CLDN15: variants seen among roughly 807,000 people sequenced by gnomAD.
CLDN15 encodes claudin-15.
CLDN15 carries 9 observed loss-of-function variants against 24.5 expected under a neutral mutation model. The ratio of observed to expected loss-of-function variants is 0.37; its 90% CI spans 0.22 to 0.64. The LOEUF is 0.64. CLDN15 is among the 30% of genes least tolerant of loss of function. The pLI, the probability that CLDN15 is intolerant of heterozygous loss-of-function variation, is 0.63. For synonymous variants in CLDN15, 149 were observed against 131.4 expected, an observed-to-expected ratio of 1.13 and a Z score of -0.92; for missense variants, 248 against 305.9, an observed-to-expected ratio of 0.81 and a Z score of 1.41.
chr7:101,232,989 G>A (rs368520242), intron 2 of CLDN15, 75 bp from the exon 3 acceptor site: 19 of 1,036,984 alleles, frequency 1.8e-5, no homozygotes, highest in Middle Eastern at 2.4e-4. Context: ...GGAGAGGCAG[G>A]CAGGGGCTGC....
chr7:101,233,273 A>G (rs1584265893), intron 2 of CLDN15, among the ~76,000 whole-genome samples: 1 of 150,638 alleles, frequency 6.6e-6, no homozygotes, highest in Non-Finnish European at 1.5e-5. Flanking sequence ...AATCCCGCCC[A>G]CCCTTGAAAC....
At chr7:101,232,777 G>A in intron 3 of CLDN15, 56 bp downstream of exon 3, 2 of 1,580,156 alleles carry the variant, frequency 1.3e-6, no homozygotes, top group South Asian at 1.1e-5. Context: ...CCGGGGGGCA[G>A]GGCTGAGTCC....
At position 101,232,502 on chromosome 7, in the gene CLDN15, A is replaced by G. The variant is rs749316714; in HGVS notation, c.595T>C (p.Tyr199His). ...EDPAASARRP[Y>H]QAPVSVMPVA... ...GGCATCACGGACACTGGAGCCTGGT[A>G]GGGCCGCCGGGCGCTGCGGGGAGGG... The change falls in exon 5 of 5, where the codon TAC becomes CAC. Residue 199 changes from tyrosine to histidine, a missense_variant. Tyr to His is a moderately conservative substitution (Grantham distance 83, BLOSUM62 2). Coordinates refer to ENST00000308344, the MANE Select transcript of CLDN15 (RefSeq NM_014343.3). 1.9e-6 allele frequency: 3 copies of G among 1,612,578 alleles called. No individual in the cohort carries two copies. The highest frequency in any genetic ancestry group is 2.5e-6 in the Non-Finnish European group (3 of 1,179,180).
chr7:101,234,842 C>T (rs1316516851), intron 1 of CLDN15, among the ~76,000 whole-genome samples: 1 of 152,060 alleles, frequency 6.6e-6, no homozygotes, highest in Non-Finnish European at 1.5e-5. Context: ...CTGGGCCCCT[C>T]CCACCCTGCT....
intron 1 of CLDN15, among the ~76,000 whole-genome samples, chr7:101,235,353 T>C (rs1255946574): frequency 6.6e-6 from 1 of 152,102 alleles, no homozygotes; most frequent in Non-Finnish European, 1.5e-5. Flanking sequence ...TTGATTGAAC[T>C]CCTGGATGCA....
chr7:101,235,693 T>G (rs895913486), intron 1 of CLDN15, among the ~76,000 whole-genome samples: 2 of 151,286 alleles, frequency 1.3e-5, no homozygotes, highest in Non-Finnish European at 2.9e-5. Flanking sequence ...AGTCGGGGGG[T>G]AGGCAGGAGG....
chr7:101,232,569 C>A, intron 4 of CLDN15, 35 bp downstream of exon 4: 2 of 1,595,920 alleles, frequency 1.3e-6, no homozygotes, highest in Non-Finnish European at 1.7e-6. Flanking sequence ...CTCTCCAATC[C>A]CGCCCGGCCC....
intron 2 of CLDN15, among the ~76,000 whole-genome samples, 171 bp from the exon 3 acceptor site, chr7:101,233,085 T>G (rs1798535148): frequency 6.6e-6 from 1 of 152,082 alleles, no homozygotes; most frequent in Admixed American, 6.5e-5. Context: ...GCCTTCCTCC[T>G]TCCTGGGGTC....
In CLDN15 at chr7:101,233,012, G is replaced by A. The variant is rs1472422815; in HGVS notation, c.383-98C>T. On this transcript the variant is annotated intron_variant, in intron 2 of 4. Coordinates refer to ENST00000308344, the MANE Select transcript of CLDN15 (RefSeq NM_014343.3). Reference sequence around the variant, plus strand: ...AGGCAGGGGCTGCCCAGAGTAGGACGGGGGCACCAAGTCCCAGAGCAGCAA... The same window carrying A: ...AGGCAGGGGCTGCCCAGAGTAGGACAGGGGCACCAAGTCCCAGAGCAGCAA... 6 of 799,792 alleles carry A rather than the reference G, an allele frequency of 7.5e-6. No individual in the cohort carries two copies. The Admixed American group carries it at 8.4e-5, about 11-fold the overall frequency. The allele number at this position is 799,792 out of a possible 1,614,324, so 49.5% of individuals were successfully genotyped here.
At chr7:101,236,957 C>T in intron 1 of CLDN15, 3 of 487,310 alleles carry the variant, frequency 6.2e-6, no homozygotes, top group South Asian at 4.8e-5. Flanking sequence ...CAATCCCACC[C>T]CCAAAACATG....
intron 2 of CLDN15, 76 bp downstream of exon 2, chr7:101,234,202 G>T (rs1361080183): frequency 8.7e-7 from 1 of 1,152,352 alleles, no homozygotes; most frequent in African/African-American, 1.5e-5. Flanking sequence ...AATTGGAGAG[G>T]AGATTAGATG....
In CLDN15 at chr7:101,237,036, G is replaced by A. The variant is rs1220744145; in HGVS notation, c.217+329C>T. ...ATTCTGCACTTTCTCAGTCACCTGT[G>A]AACTGGGACTCTCACCCTAACCCTA... On this transcript the variant is annotated intron_variant, in intron 1 of 4. Coordinates refer to ENST00000308344, the MANE Select transcript of CLDN15 (RefSeq NM_014343.3). This position sits in a 1 kb window ranked among gnomAD's most constrained non-coding sequence, Gnocchi z 4.0. 4.4e-6 allele frequency: 2 copies of A among 452,882 alleles called. No individual in the cohort carries two copies. Among genetic ancestry groups the A allele is most frequent in the African/African-American group, 4.0e-5 (2 of 50,052 alleles). The allele number at this position is 452,882 out of a possible 1,614,324, so 28.1% of individuals were successfully genotyped here.
intron 1 of CLDN15, among the ~76,000 whole-genome samples, chr7:101,235,384 C>T (rs962300266): frequency 1.3e-5 from 2 of 152,226 alleles, no homozygotes; most frequent in Non-Finnish European, 2.9e-5. Context: ...CTGCCTCAGC[C>T]TCCTGAGTAG....
At position 101,237,464 on chromosome 7, in the gene CLDN15, T is replaced by C. The variant is rs748981078; in HGVS notation, c.118A>G (p.Thr40Ala). 1 of 1,614,012 alleles carries C rather than the reference T, an allele frequency of 6.2e-7. No homozygotes were observed. Among genetic ancestry groups the C allele is most frequent in the South Asian group, 1.1e-5 (1 of 91,056 alleles). ...RVSTVHGNVI[T>A]TNTIFENLWF... ...AGGTTCTCGAAGATGGTGTTGGTGG[T>C]GATGACGTTCCCGTGCACAGTGGAC... The change falls in exon 1 of 5, where the codon ACC (threonine) becomes GCC (alanine). Residue 40 changes from threonine to alanine, a missense_variant. Transcript: ENST00000308344. This position sits in a 1 kb window ranked among gnomAD's most constrained non-coding sequence, Gnocchi z 4.0.
At position 101,237,429 on chromosome 7, in the gene CLDN15, G is replaced by A. The variant is rs1219867542; in HGVS notation, c.153C>T (p.Ser51=). The A allele has an allele frequency of 6.2e-7, 1 of 1,613,878 alleles. No homozygotes were observed. The highest frequency in any genetic ancestry group is 1.1e-5 in the South Asian group (1 of 91,010). The change falls in exon 1 of 5, where the codon AGC becomes AGT. Residue 51 remains serine, a synonymous_variant. Transcript: ENST00000308344. This position sits in a 1 kb window ranked among gnomAD's most constrained non-coding sequence, Gnocchi z 4.0. ...TNTIFENLWF[S]CATDSLGVYN... ...AGACGCCCAGGGAGTCGGTGGCACA[G>A]CTAAACCAGAGGTTCTCGAAGATGG...
At chr7:101,235,269 G>A (rs1798600460) in intron 1 of CLDN15, among the ~76,000 whole-genome samples, 1 of 152,196 alleles carries the variant, frequency 6.6e-6, no homozygotes, top group South Asian at 2.1e-4. Flanking sequence ...GCCTAGGGCA[G>A]TTTTAGAGAC....
intron 2 of CLDN15, among the ~76,000 whole-genome samples, 183 bp from the exon 3 acceptor site, chr7:101,233,097 A>G (rs931755545): frequency 2.6e-5 from 4 of 151,950 alleles, no homozygotes; most frequent in Non-Finnish European, 5.9e-5. Context: ...CCTGGGGTCA[A>G]CTTCTCAGGG....
At chr7:101,235,466 G>A (rs762134899) in intron 1 of CLDN15, among the ~76,000 whole-genome samples, 1 of 152,154 alleles carries the variant, frequency 6.6e-6, no homozygotes, top group African/African-American at 2.4e-5. Context: ...GCCCAGGACC[G>A]ATCCAGGTCA....
chr7:101,236,639 G>T, intron 1 of CLDN15: 1 of 799,524 alleles, frequency 1.3e-6, no homozygotes. Flanking sequence ...GGGGAGCAGG[G>T]AGCGGGAAGG....
Sources: allele counts gnomAD v4.1 joint callset (sites outside exome capture counted in the v4.1 genomes callset), GRCh38; gene constraint gnomAD v4.1.1; non-coding constraint Gnocchi (gnomAD v3.1); transcripts MANE v1.5; gene names NCBI Gene and HGNC (gene_info 2026-07-23, HGNC 2026-07-21).